The following PDE7A variants were observed in gnomAD, a reference collection of about 807,000 sequenced individuals.
PDE7A encodes the protein high affinity 3',5'-cyclic-AMP phosphodiesterase 7A.
PDE7A carries 39 observed loss-of-function variants against 64.3 expected under a neutral mutation model. The observed-to-expected ratio is 0.61, with a 90% confidence interval of 0.47 to 0.79. PDE7A has a LOEUF of 0.79. Ranked by LOEUF, PDE7A falls within the 30% of genes least tolerant of loss-of-function variation. The pLI, the probability that PDE7A is intolerant of heterozygous loss-of-function variation, is 0.00. For missense variants in PDE7A, 470 were observed against 582.8 expected (o/e 0.81, Z 1.99); for synonymous variants, 203 against 206.8 (o/e 0.98, Z 0.16).
At chr8:65,793,414 A>T (rs1330859970) in intron 1 of PDE7A, among the ~76,000 whole-genome samples, 2 of 152,176 alleles carry the variant, frequency 1.3e-5, no homozygotes, top group Non-Finnish European at 2.9e-5. Flanking sequence ...TTTAAAAAAA[A>T]TTGTCTGCAT....
At chr8:65,788,608 C>T (rs1433567137) in intron 1 of PDE7A, among the ~76,000 whole-genome samples, 1 of 152,000 alleles carries the variant, frequency 6.6e-6, no homozygotes, top group Non-Finnish European at 1.5e-5. Flanking sequence ...CTTCTTTAGT[C>T]ATAAAAACTT....
chr8:65,817,180 TAA>T, intron 1 of PDE7A, among the ~76,000 whole-genome samples: 1 of 152,216 alleles, frequency 6.6e-6, no homozygotes, highest in East Asian at 1.9e-4. Context: ...AACTTTGCAA[TAA>T]ATTATTTACA....
intron 3 of PDE7A, among the ~76,000 whole-genome samples, chr8:65,774,949 A>G (rs1809214708): frequency 6.6e-6 from 1 of 152,218 alleles, no homozygotes; most frequent in Non-Finnish European, 1.5e-5. Context: ...TAGTATTACG[A>G]TGAAAATAGT....
intron 3 of PDE7A, among the ~76,000 whole-genome samples, chr8:65,768,853 C>CA (rs1808930764): frequency 6.6e-6 from 1 of 152,042 alleles, no homozygotes; most frequent in Admixed American, 6.5e-5. Context: ...AAGATATAAT[C>CA]AAAAATAATA....
At chr8:65,724,231 T>C (rs1346707134) in intron 11 of PDE7A, 24 bp downstream of exon 11, 1 of 1,438,540 alleles carries the variant, frequency 7.0e-7, no homozygotes, top group Non-Finnish European at 9.8e-7. Context: ...GATAGATTAA[T>C]TATCACTCAA....
intron 1 of PDE7A, among the ~76,000 whole-genome samples, chr8:65,829,433 C>T (rs771277622): frequency 3.2e-4 from 49 of 152,018 alleles, no homozygotes; most frequent in Non-Finnish European, 6.5e-4. Context: ...CTTTTTCAAA[C>T]GATTACTGGG....
At chr8:65,733,264 C>T (rs1231238786) in intron 7 of PDE7A, among the ~76,000 whole-genome samples, 2 of 152,192 alleles carry the variant, frequency 1.3e-5, no homozygotes, top group Non-Finnish European at 2.9e-5. Context: ...TTCCCTGCCC[C>T]TGGCTTGGGT....
Position 65,715,541 on chromosome 8 carries a change from C to A in PDE7A, c.*3749G>T, listed in dbSNP as rs1454140589. Among the ~76,000 whole-genome samples, 1 of 151,624 alleles carries A rather than the reference C, an allele frequency of 6.6e-6. No individual in the cohort carries two copies. Among genetic ancestry groups the A allele is most frequent in the Non-Finnish European group, 1.5e-5 (1 of 67,884 alleles). ...TACAGGAATGCGCCACCACGCCCAG[C>A]TAATTTTTGCATTTTTAGTAGAGAT... On this transcript the variant is annotated 3_prime_UTR_variant, in exon 13 of 13. Coordinates refer to ENST00000401827, the MANE Select transcript of PDE7A (RefSeq NM_001242318.3).
At chr8:65,795,468 T>C (rs897866216) in intron 1 of PDE7A, among the ~76,000 whole-genome samples, 18 of 152,192 alleles carry the variant, frequency 1.2e-4, no homozygotes, top group African/African-American at 4.3e-4. Flanking sequence ...GGCTGAATAC[T>C]AAGCTGAGTA....
intron 2 of PDE7A, 141 bp from the exon 3 acceptor site, chr8:65,779,944 C>T (rs1809365824): frequency 2.3e-6 from 1 of 434,352 alleles, no homozygotes; most frequent in South Asian, 7.2e-5. Flanking sequence ...TAGTTAAGAG[C>T]TGATTTATTC....
chr8:65,743,753 T>C (rs1236900456), intron 5 of PDE7A, among the ~76,000 whole-genome samples: 2 of 152,034 alleles, frequency 1.3e-5, no homozygotes, highest in African/African-American at 4.8e-5. Context: ...GATTTCAAAG[T>C]ACAGCAGTGA....
chr8:65,799,846 G>C (rs59198392), intron 1 of PDE7A, among the ~76,000 whole-genome samples: 1 of 152,096 alleles, frequency 6.6e-6, no homozygotes, highest in Non-Finnish European at 1.5e-5. Context: ...GAAAAGGACT[G>C]GGAGGGCCAA....
rs1345640098 is a variant in PDE7A, at chr8:65,729,650, G to A, written c.697-2349C>T. 4.0e-5 allele frequency among the ~76,000 whole-genome samples: 6 copies of A among 151,802 alleles called. No individual in the cohort carries two copies. The East Asian group carries it at 7.7e-4, about 20-fold the overall frequency. Reference sequence around the variant, plus strand: ...GCGATCTCGGCTCACTGCAGCCTCTGCCTCCCAGGTTCAATCGATTCTCTT... The same window carrying A: ...GCGATCTCGGCTCACTGCAGCCTCTACCTCCCAGGTTCAATCGATTCTCTT... On this transcript the variant is annotated intron_variant, in intron 7 of 12. Coordinates refer to ENST00000401827, the MANE Select transcript of PDE7A (RefSeq NM_001242318.3).
chr8:65,781,914 G>A (rs1242459867), intron 2 of PDE7A, among the ~76,000 whole-genome samples: 1 of 152,138 alleles, frequency 6.6e-6, no homozygotes, highest in Non-Finnish European at 1.5e-5. Flanking sequence ...AATATGTACT[G>A]GAGTAGAAAA....
At chr8:65,788,961 C>T (rs748682562) in intron 1 of PDE7A, 8 of 1,610,774 alleles carry the variant, frequency 5.0e-6, no homozygotes, top group Non-Finnish European at 6.8e-6. Flanking sequence ...CAAAAGCCCG[C>T]TGCATAATCT....
At chr8:65,785,815 G>A (rs72666552) in intron 1 of PDE7A, among the ~76,000 whole-genome samples, 18,068 of 146,456 alleles carry the variant, frequency 0.12, 1,115 homozygotes, top group Non-Finnish European at 0.14. Context: ...CTTTAGGAGG[G>A]GAGTTGACAT....
At chr8:65,811,722 T>C (rs927350946) in intron 1 of PDE7A, among the ~76,000 whole-genome samples, 1 of 152,162 alleles carries the variant, frequency 6.6e-6, no homozygotes, top group South Asian at 2.1e-4. Context: ...GTAAAAATAC[T>C]TGGTGTGTAG....
intron 7 of PDE7A, among the ~76,000 whole-genome samples, chr8:65,732,045 C>G (rs139705564): frequency 9.6e-4 from 146 of 152,184 alleles, no homozygotes; most frequent in Middle Eastern, 3.4e-3. Flanking sequence ...GTCGCCCAGG[C>G]TGGAACGCAG....
At chr8:65,774,253 G>T (rs1206946537) in intron 3 of PDE7A, among the ~76,000 whole-genome samples, 1 of 152,122 alleles carries the variant, frequency 6.6e-6, no homozygotes, top group African/African-American at 2.4e-5. Context: ...CTTTCGTGCT[G>T]TTGGAAATCC....
Sources: allele counts gnomAD v4.1 joint callset (sites outside exome capture counted in the v4.1 genomes callset), GRCh38; gene constraint gnomAD v4.1.1; transcripts MANE v1.5; gene names NCBI Gene and HGNC (gene_info 2026-07-23, HGNC 2026-07-21).